The following MTMR4 variants were observed in gnomAD, a reference collection of about 807,000 sequenced individuals.
MTMR4 encodes the protein phosphatidylinositol-3,5-bisphosphate 3-phosphatase MTMR4.
In MTMR4, 30 loss-of-function variants were observed where a neutral mutation model predicts 125.5. The observed-to-expected ratio is 0.24, with a 90% confidence interval of 0.18 to 0.32. The LOEUF (loss-of-function observed/expected upper bound fraction) is 0.32. MTMR4 is among the 10% of genes least tolerant of loss of function. The probability of loss-of-function intolerance (pLI) is 1.00; values close to 1 mark genes in which losing one functional copy is unlikely to be tolerated. For synonymous variants in MTMR4, 498 were observed against 564.5 expected, an observed-to-expected ratio of 0.88 and a Z score of 1.67; for missense variants, 1,039 against 1,511.5, an observed-to-expected ratio of 0.69 and a Z score of 5.18.
chr17:58,492,663 AT>A, intron 16 of MTMR4, 64 bp from the exon 17 acceptor site: 2 of 1,508,100 alleles, frequency 1.3e-6, no homozygotes, highest in Non-Finnish European at 1.8e-6. Context: ...CAACATTGCA[AT>A]GAGGAAAGCA....
upstream of MTMR4, among the ~76,000 whole-genome samples, chr17:58,517,459 A>G (rs1444955553): frequency 1.3e-5 from 2 of 152,236 alleles, no homozygotes; most frequent in Non-Finnish European, 2.9e-5. Context: ...TGTTCACAGT[A>G]TCCTCTTCCC....
At chr17:58,509,026 CTT>C (rs1975855993) in intron 4 of MTMR4, 185 bp from the exon 5 acceptor site, 1 of 616,032 alleles carries the variant, frequency 1.6e-6, no homozygotes, top group Non-Finnish European at 2.8e-6. Flanking sequence ...GAAGTTGTCT[CTT>C]GTGATAATTC....
rs751751937 is a variant in MTMR4, at chr17:58,504,272, C to T, written c.1527+31G>A. The T allele has an allele frequency of 2.6e-5, 42 of 1,605,956 alleles. No individual in the cohort carries two copies. Among genetic ancestry groups the T allele is most frequent in the Non-Finnish European group, 3.5e-5 (41 of 1,173,196 alleles). ...GGGGGCCTCGGGCTGTCATTCCCCC[C>T]ATCCCTGTTGTCACAGGCCTTAGGA... On this transcript the variant is annotated intron_variant, in intron 12 of 17. Coordinates refer to ENST00000682306, the MANE Select transcript of MTMR4 (RefSeq NM_001378067.1). The surrounding 1 kb of genome is among the most constrained non-coding windows in gnomAD (Gnocchi z 7.1).
Position 58,508,289 on chromosome 17 carries a change from G to C in MTMR4, c.594-15C>G, listed in dbSNP as rs778597534. On this transcript the variant is annotated splice_polypyrimidine_tract_variant and intron_variant, in intron 6 of 17. Coordinates refer to ENST00000682306, the MANE Select transcript of MTMR4 (RefSeq NM_001378067.1). This position sits in a 1 kb window ranked among gnomAD's most constrained non-coding sequence, Gnocchi z 4.8. Reference sequence around the variant, plus strand: ...TGGGGCACAATCTGAGAAGAGACCAGGTGGGGGTCACTGCACTGGGTCTAA... The same window carrying C: ...TGGGGCACAATCTGAGAAGAGACCACGTGGGGGTCACTGCACTGGGTCTAA... 18 of 1,608,308 alleles carry C rather than the reference G, an allele frequency of 1.1e-5. No homozygotes were observed. The highest frequency in any genetic ancestry group is 1.7e-4 in the Middle Eastern group (1 of 6,048).
chr17:58,494,422 A>C (rs1249641009), intron 15 of MTMR4, among the ~76,000 whole-genome samples: 1 of 152,132 alleles, frequency 6.6e-6, no homozygotes, highest in African/African-American at 2.4e-5. Flanking sequence ...TATTGCCTTA[A>C]GGGTAAAATC....
Position 58,492,792 on chromosome 17 carries a change from A to T in MTMR4, c.3363+50T>A, listed in dbSNP as rs751876646. 3 of 1,520,076 alleles carry T rather than the reference A, an allele frequency of 2.0e-6. No homozygotes were observed. In the South Asian group the frequency reaches 3.4e-5, roughly 17 times the overall value. The allele number at this position is 1,520,076 out of a possible 1,614,324, so 94.2% of individuals were successfully genotyped here. A position where few individuals can be genotyped will look rare whatever the true frequency, so the allele number is the denominator to read the frequency against. ...ATGTCATTCATCTCTGGAAAATATG[A>T]TGACTCACTGGCTCACGTAAGTACC... On this transcript the variant is annotated intron_variant, in intron 16 of 17. Transcript: ENST00000682306.
intron 10 of MTMR4, 52 bp from the exon 11 acceptor site, chr17:58,505,026 A>C: frequency 2.0e-6 from 3 of 1,520,944 alleles, no homozygotes. Context: ...AGGCCACAGC[A>C]GTCTCTCCAC....
At chr17:58,499,445 G>T (rs1032220919) in intron 14 of MTMR4, among the ~76,000 whole-genome samples, 2 of 151,998 alleles carry the variant, frequency 1.3e-5, no homozygotes, top group Non-Finnish European at 2.9e-5. Context: ...TACTCGGGAG[G>T]CTGAGGCAGA....
At chr17:58,514,763 G>T, upstream of MTMR4, 1 of 772,176 alleles carries the variant, frequency 1.3e-6, no homozygotes, top group Non-Finnish European at 1.6e-6. Context: ...TCGTAGGAGG[G>T]CGTACCCTAC....
chr17:58,498,696 C>T (rs1312636401), intron 14 of MTMR4, among the ~76,000 whole-genome samples: 1 of 152,106 alleles, frequency 6.6e-6, no homozygotes, highest in Non-Finnish European at 1.5e-5. Flanking sequence ...TCGAAATCTA[C>T]TCTCCATCTT....
intron 3 of MTMR4, 38 bp from the exon 4 acceptor site, chr17:58,511,549 C>G (rs766132347): frequency 6.4e-7 from 1 of 1,550,712 alleles, no homozygotes; most frequent in African/African-American, 1.4e-5. Context: ...AGACTCCCCA[C>G]TGGGTACCAC....
chr17:58,493,553 C>T (rs1267910778), intron 15 of MTMR4, among the ~76,000 whole-genome samples: 1 of 152,138 alleles, frequency 6.6e-6, no homozygotes. Context: ...GGGGTTTCAC[C>T]ATGTTGCCTA....
chr17:58,500,642 C>T (rs1004817290), intron 14 of MTMR4, among the ~76,000 whole-genome samples: 15 of 149,142 alleles, frequency 1.0e-4, no homozygotes, highest in African/African-American at 3.5e-4. Context: ...CCCAGATACT[C>T]GGGAGGCTGA....
At chr17:58,516,450 A>G, upstream of MTMR4, 1 of 928,864 alleles carries the variant, frequency 1.1e-6, no homozygotes, top group South Asian at 1.3e-5. Flanking sequence ...TCTCCAGGGC[A>G]GATGAACATG....
intron 14 of MTMR4, among the ~76,000 whole-genome samples, chr17:58,498,095 G>A (rs1424681267): frequency 3.9e-5 from 6 of 152,028 alleles, no homozygotes; most frequent in Admixed American, 6.6e-5. Flanking sequence ...GGGCATGGTG[G>A]TGCATGCCTG....
rs1001010288 is a variant in MTMR4 at position 58,489,809 on chromosome 17, C to T, written c.*1854G>A. 1 of 152,612 alleles carries T rather than the reference C, an allele frequency of 6.6e-6. No individual in the cohort carries two copies. Among genetic ancestry groups the T allele is most frequent in the African/African-American group, 2.4e-5 (1 of 41,438 alleles). The allele number at this position is 152,612 out of a possible 1,614,324, so 9.5% of individuals were successfully genotyped here. A position where few individuals can be genotyped will look rare whatever the true frequency, so the allele number is the denominator to read the frequency against. Reference sequence around the variant, plus strand: ...CCCAAATGTTACCAATCTTACTCCCCTTGAAAACAGGCAGAGTGAAGTGCA... The same window carrying T: ...CCCAAATGTTACCAATCTTACTCCCTTTGAAAACAGGCAGAGTGAAGTGCA... On this transcript the variant is annotated 3_prime_UTR_variant, in exon 18 of 18. Coordinates refer to ENST00000682306, the MANE Select transcript of MTMR4 (RefSeq NM_001378067.1).
At chr17:58,511,595 C>T (rs1975934562) in intron 3 of MTMR4, 84 bp from the exon 4 acceptor site, 1 of 1,160,444 alleles carries the variant, frequency 8.6e-7, no homozygotes, top group Admixed American at 2.0e-5. Context: ...ACTAATGTAT[C>T]AATAGCAGGA....
In MTMR4 at chr17:58,496,070, G is replaced by A. The variant is rs1975458633; in HGVS notation, c.2114C>T (p.Pro705Leu). The change falls in exon 15 of 18, where the codon CCT becomes CTT. Residue 705 changes from proline to leucine, a missense_variant. Physicochemically the swap from Pro to Leu is moderately conservative, Grantham distance 98. This residue lies in a region of MTMR4 where 619 missense variants were observed against 714.5 expected (regional missense o/e 0.87). Transcript: ENST00000682306. Reference protein sequence around the residue: ...SSQKDYLSNKPFKSHKSCSPS... With the variant: ...SSQKDYLSNKLFKSHKSCSPS... ...AGAACAGCTTTTGTGACTCTTGAAA[G>A]GTTTATTGCTCAAGTAGTCTTTCTG... 1 of 1,614,196 alleles carries A rather than the reference G, an allele frequency of 6.2e-7. No individual in the cohort carries two copies. Among genetic ancestry groups the A allele is most frequent in the Non-Finnish European group, 8.5e-7 (1 of 1,180,038 alleles).
chr17:58,505,021 A>C, intron 10 of MTMR4, 47 bp from the exon 11 acceptor site: 1 of 1,528,692 alleles, frequency 6.5e-7, no homozygotes, highest in Non-Finnish European at 8.8e-7. Context: ...TGCTGAGGCC[A>C]CAGCAGTCTC....
Sources: gnomAD v4.1 joint callset for allele counts (sites outside exome capture counted in the v4.1 genomes callset) on GRCh38, gnomAD v4.1.1 for gene constraint, gnomAD v4.1.1 regional missense constraint, Gnocchi (gnomAD v3.1) non-coding constraint, MANE v1.5 for transcripts, NCBI Gene and HGNC (gene_info 2026-07-23, HGNC 2026-07-21) for gene names.